SDK1: variants seen among roughly 807,000 people sequenced by gnomAD.
SDK1 encodes protein sidekick-1.
In SDK1, 157 loss-of-function variants were observed where a neutral mutation model predicts 245.5. That is an observed-to-expected ratio of 0.64 (90% confidence interval 0.56 to 0.73). The LOEUF is 0.73. Ranked by LOEUF, SDK1 falls within the 30% of genes least tolerant of loss-of-function variation. The pLI is 0.00. For missense variants in SDK1, 3,583 were observed against 3,002.3 expected (o/e 1.19, Z -4.52); for synonymous variants, 1,647 against 1,278.5 (o/e 1.29, Z -6.15).
At chr7:4,024,306 A>G (rs1220310507) in intron 17 of SDK1, among the ~76,000 whole-genome samples, 3 of 152,210 alleles carry the variant, frequency 2.0e-5, no homozygotes, top group Non-Finnish European at 2.9e-5. Flanking sequence ...TGCAAGCCCC[A>G]TTCTTATCTC....
intron 1 of SDK1, among the ~76,000 whole-genome samples, chr7:3,417,240 A>G (rs1217692390): frequency 6.6e-6 from 1 of 152,198 alleles, no homozygotes; most frequent in Non-Finnish European, 1.5e-5. Context: ...AGTTTTGGCA[A>G]TAAGCTAAAG....
chr7:4,268,823 C>T lies in SDK1; in HGVS notation c.*3439C>T, dbSNP rs1472302713. 27 of 1,115,844 alleles carry T rather than the reference C, an allele frequency of 2.4e-5. No individual in the cohort carries two copies. The highest frequency in any genetic ancestry group is 3.4e-5 in the Non-Finnish European group (27 of 794,316). The allele number at this position is 1,115,844 out of a possible 1,614,324, so 69.1% of individuals were successfully genotyped here. A position where few individuals can be genotyped will look rare whatever the true frequency, so the allele number is the denominator to read the frequency against. On this transcript the variant is annotated 3_prime_UTR_variant, in exon 45 of 45. Transcript: ENST00000404826. ...GAGCCTGCCCGCTGGGACACGTCTC[C>T]TTCCCGCGTCACCTTCTGGTTTAGG...
chr7:3,539,540 C>T (rs1778993730), intron 1 of SDK1, among the ~76,000 whole-genome samples: 1 of 152,186 alleles, frequency 6.6e-6, no homozygotes. Flanking sequence ...GAGATCCCTG[C>T]TGCCTGGAGC....
intron 4 of SDK1, among the ~76,000 whole-genome samples, chr7:3,805,029 T>C (rs765600843): frequency 6.6e-6 from 1 of 152,192 alleles, no homozygotes; most frequent in Non-Finnish European, 1.5e-5. Context: ...TTAAATGTTC[T>C]TACCACAAAA....
intron 33 of SDK1, among the ~76,000 whole-genome samples, chr7:4,175,047 T>C (rs976611058): frequency 9.8e-5 from 15 of 152,338 alleles, no homozygotes; most frequent in Admixed American, 7.8e-4. Flanking sequence ...GCCCTCCCGC[T>C]TTCTGCCATC....
In SDK1 at chr7:3,655,501, A is replaced by ATATATATG. The variant is rs1554303530; in HGVS notation, c.713+13399_713+13400insATATGTAT. 7.8e-4 allele frequency among the ~76,000 whole-genome samples: 41 copies of ATATATATG among 52,594 alleles called. 1 individual carries two copies. Among genetic ancestry groups the ATATATATG allele is most frequent in the Admixed American group, 1.4e-3 (6 of 4,242 alleles). The allele number at this position is 52,594 out of a possible 152,430, so 34.5% of individuals were successfully genotyped here. A position where few individuals can be genotyped will look rare whatever the true frequency, so the allele number is the denominator to read the frequency against. ...TATATATATATATATATATATATAT[A>ATATATATG]TATGTATGTATGTATATAAAATGTG... On this transcript the variant is annotated intron_variant, in intron 4 of 44. Coordinates refer to ENST00000404826, the MANE Select transcript of SDK1 (RefSeq NM_152744.4).
intron 5 of SDK1, among the ~76,000 whole-genome samples, chr7:3,882,556 T>C (rs1021795410): frequency 2.6e-5 from 4 of 152,372 alleles, no homozygotes; most frequent in African/African-American, 9.6e-5. Context: ...TGTATGATGA[T>C]CTGACCTAGT....
chr7:4,188,486 A>G (rs144658164), intron 35 of SDK1, among the ~76,000 whole-genome samples: 245 of 152,176 alleles, frequency 1.6e-3, no homozygotes, highest in African/African-American at 5.5e-3. Flanking sequence ...AGCTTCTTAT[A>G]TATTAGGGAT....
intron 4 of SDK1, among the ~76,000 whole-genome samples, chr7:3,658,678 C>A (rs1440490529): frequency 7.0e-6 from 1 of 141,994 alleles, no homozygotes; most frequent in African/African-American, 2.6e-5. Context: ...GTGGATCGAT[C>A]TCCACTCACT....
chr7:3,505,298 G>C (rs1285463788), intron 1 of SDK1, among the ~76,000 whole-genome samples: 1 of 152,104 alleles, frequency 6.6e-6, no homozygotes, highest in Non-Finnish European at 1.5e-5. Flanking sequence ...CCAGTTTAGA[G>C]TGCAGTTGCA....
chr7:3,852,047 G>T (rs532465000), intron 5 of SDK1, among the ~76,000 whole-genome samples: 1 of 152,222 alleles, frequency 6.6e-6, no homozygotes, highest in East Asian at 1.9e-4. Context: ...AGAGAAGGAA[G>T]GATTGCTTGG....
chr7:3,638,636 G>C (rs1434513493), intron 2 of SDK1, among the ~76,000 whole-genome samples: 1 of 124,136 alleles, frequency 8.1e-6, no homozygotes, highest in Non-Finnish European at 1.7e-5. Context: ...GCCTGTTGTG[G>C]GGTGGGGGGA....
chr7:3,508,326 CTTTTTTT>C (rs746963363), intron 1 of SDK1, among the ~76,000 whole-genome samples: 1 of 136,218 alleles, frequency 7.3e-6, no homozygotes, highest in East Asian at 2.1e-4. Context: ...TCTTCTTCTT[CTTTTTTT>C]TTTTTTTTTT....
intron 1 of SDK1, among the ~76,000 whole-genome samples, chr7:3,321,014 T>G (rs1003634661): frequency 1.3e-5 from 2 of 152,214 alleles, no homozygotes; most frequent in Non-Finnish European, 2.9e-5. Flanking sequence ...TGTATTTTTC[T>G]TCTGAAATTT....
rs1780628984 is a variant in SDK1 at position 4,075,689 on chromosome 7, C to G, written c.3011-1309C>G. The stretch of plus-strand genomic sequence containing the variant: ...TTTTTTTTTAAGACAAAGTCTTGCT[C>G]TGTCACCCAGGCTGGAGTGCAATGG... On this transcript the variant is annotated intron_variant, in intron 20 of 44. Transcript: ENST00000404826. 2.0e-5 allele frequency among the ~76,000 whole-genome samples: 3 copies of G among 149,144 alleles called. No individual in the cohort carries two copies. In the South Asian group the frequency reaches 6.3e-4, roughly 31 times the overall value.
chr7:3,600,636 G>C (rs186995175), intron 1 of SDK1, among the ~76,000 whole-genome samples: 4 of 143,052 alleles, frequency 2.8e-5, no homozygotes, highest in African/African-American at 1.1e-4. Context: ...CTTACTGCAA[G>C]CTCCCGGGTT....
At chr7:3,344,281 CAT>C (rs1780434932) in intron 1 of SDK1, among the ~76,000 whole-genome samples, 1 of 152,154 alleles carries the variant, frequency 6.6e-6, no homozygotes, top group South Asian at 2.1e-4. Flanking sequence ...TCATCTGAAT[CAT>C]TAAGTATACA....
chr7:3,653,056 C>G (rs1783058055), intron 4 of SDK1, among the ~76,000 whole-genome samples: 1 of 152,200 alleles, frequency 6.6e-6, no homozygotes, highest in Admixed American at 6.5e-5. Flanking sequence ...ACTTCTCCCC[C>G]ACTTGGAAGG....
chr7:3,321,094 T>G (rs1367928100), intron 1 of SDK1, among the ~76,000 whole-genome samples: 1 of 152,228 alleles, frequency 6.6e-6, no homozygotes, highest in Non-Finnish European at 1.5e-5. Flanking sequence ...ATTTCAGGGC[T>G]TATCAACTGA....
Sources: gnomAD v4.1 joint callset for allele counts (sites outside exome capture counted in the v4.1 genomes callset) on GRCh38, gnomAD v4.1.1 for gene constraint, MANE v1.5 for transcripts, NCBI Gene and HGNC (gene_info 2026-07-23, HGNC 2026-07-21) for gene names.